MYO1D: variants seen among roughly 807,000 people sequenced by gnomAD.
The protein encoded by MYO1D is unconventional myosin-Id.
MYO1D carries 83 observed loss-of-function variants against 122.0 expected under a neutral mutation model. The observed-to-expected ratio is 0.68, with a 90% CI of 0.57 to 0.82. The LOEUF (loss-of-function observed/expected upper bound fraction) is 0.82. Ranked by LOEUF, MYO1D falls within the 40% of genes least tolerant of loss-of-function variation. The probability of loss-of-function intolerance (pLI) is 0.00; values close to 1 mark genes in which losing one functional copy is unlikely to be tolerated. For missense variants in MYO1D, 1,157 were observed against 1,269.5 expected, an observed-to-expected ratio of 0.91 and a Z score of 1.35; for synonymous variants, 464 against 446.9, an observed-to-expected ratio of 1.04 and a Z score of -0.48.
chr17:32,501,579 A>G (rs1438573644), intron 21 of MYO1D, among the ~76,000 whole-genome samples: 1 of 152,028 alleles, frequency 6.6e-6, no homozygotes, highest in Non-Finnish European at 1.5e-5. Context: ...GAGTCTCCAT[A>G]AAAAACTCAA....
At chr17:32,571,468 T>C (rs2087226962) in intron 21 of MYO1D, among the ~76,000 whole-genome samples, 2 of 152,186 alleles carry the variant, frequency 1.3e-5, no homozygotes, top group Non-Finnish European at 2.9e-5. Context: ...AAATTTGCCA[T>C]ATGGCCTAGA....
chr17:32,815,238 T>C (rs1259319854), intron 1 of MYO1D, among the ~76,000 whole-genome samples: 1 of 152,192 alleles, frequency 6.6e-6, no homozygotes, highest in Admixed American at 6.5e-5. Flanking sequence ...AAATACTTAA[T>C]GAAAAAATTA....
chr17:32,667,814 G>A (rs2088656888), intron 16 of MYO1D, among the ~76,000 whole-genome samples: 1 of 152,128 alleles, frequency 6.6e-6, no homozygotes, highest in Admixed American at 6.5e-5. Context: ...CATTAACCTT[G>A]CAATTCTTTA....
At position 32,577,604 on chromosome 17, in the gene MYO1D, C is replaced by CT. The variant is rs200299685; in HGVS notation, c.2864+27482dup. Among the ~76,000 whole-genome samples, 759 of 151,200 alleles carry CT rather than the reference C, an allele frequency of 5.0e-3. 18 individuals are homozygous for CT. Among genetic ancestry groups the CT allele is most frequent in the Admixed American group, 0.044 (677 of 15,220 alleles). The stretch of plus-strand genomic sequence containing the variant: ...TCATTTAACTAACAGCAATACTGAG[C>CT]TTTTTTTACCAAGGACTCATAGTCT... On this transcript the variant is annotated intron_variant, in intron 21 of 21. Coordinates refer to ENST00000318217, the MANE Select transcript of MYO1D (RefSeq NM_015194.3).
chr17:32,660,044 C>G (rs2088540158), intron 16 of MYO1D, among the ~76,000 whole-genome samples: 1 of 152,116 alleles, frequency 6.6e-6, no homozygotes. Context: ...ACTTCTCAAG[C>G]AAAAACAAAT....
chr17:32,743,335 C>T (rs1410686122), intron 13 of MYO1D, among the ~76,000 whole-genome samples: 1 of 152,160 alleles, frequency 6.6e-6, no homozygotes, highest in Non-Finnish European at 1.5e-5. Flanking sequence ...GTTGCAATTG[C>T]TGATTTGGCA....
At chr17:32,596,209 T>G (rs2087490686) in intron 21 of MYO1D, among the ~76,000 whole-genome samples, 1 of 152,236 alleles carries the variant, frequency 6.6e-6, no homozygotes, top group Non-Finnish European at 1.5e-5. Flanking sequence ...GGCATACCTT[T>G]ATTTTGCTTA....
At chr17:32,678,365 G>A (rs1220911741) in intron 16 of MYO1D, among the ~76,000 whole-genome samples, 1 of 149,182 alleles carries the variant, frequency 6.7e-6, no homozygotes, top group Non-Finnish European at 1.5e-5. Flanking sequence ...CCACTAACTC[G>A]TCATCTAGCA....
intron 1 of MYO1D, chr17:32,830,138 G>A (rs1053340313): frequency 6.6e-6 from 1 of 152,000 alleles, no homozygotes. Flanking sequence ...GAGGTAAACC[G>A]AGAAAGTGAT....
chr17:32,561,672 G>A (rs1435411149), intron 21 of MYO1D, among the ~76,000 whole-genome samples: 3 of 139,756 alleles, frequency 2.1e-5, no homozygotes, highest in African/African-American at 5.5e-5. Context: ...TCTGGAGACA[G>A]AGGGAGGCTC....
At chr17:32,869,650 T>C (rs146008898) in intron 1 of MYO1D, among the ~76,000 whole-genome samples, 1 of 152,340 alleles carries the variant, frequency 6.6e-6, no homozygotes, top group East Asian at 1.9e-4. Context: ...GCTCTCCACA[T>C]AGAGCTAATA....
chr17:32,652,152 G>T (rs1183522399), intron 19 of MYO1D, among the ~76,000 whole-genome samples: 1 of 152,068 alleles, frequency 6.6e-6, no homozygotes, highest in Non-Finnish European at 1.5e-5. Context: ...ATGGGCTGTG[G>T]AATTCTTAGA....
chr17:32,603,617 C>T (rs897162159), intron 21 of MYO1D, among the ~76,000 whole-genome samples: 3 of 151,162 alleles, frequency 2.0e-5, no homozygotes, highest in Non-Finnish European at 1.5e-5. Context: ...GCTCCGCCTC[C>T]CAGGTTCACG....
chr17:32,569,463 CTG>C (rs1449995895), intron 21 of MYO1D, among the ~76,000 whole-genome samples: 3 of 152,228 alleles, frequency 2.0e-5, no homozygotes, highest in Admixed American at 6.5e-5. Context: ...AGAAAAGACA[CTG>C]TGTGAAATTC....
chr17:32,513,507 T>C (rs1278667306), intron 21 of MYO1D, among the ~76,000 whole-genome samples: 1 of 152,214 alleles, frequency 6.6e-6, no homozygotes, highest in Non-Finnish European at 1.5e-5. Context: ...AGGGTTTCAC[T>C]ATATACCATG....
chr17:32,612,754 A>G (rs1285669953), intron 20 of MYO1D, among the ~76,000 whole-genome samples: 1 of 151,678 alleles, frequency 6.6e-6, no homozygotes, highest in Non-Finnish European at 1.5e-5. Context: ...TGTAATTGTA[A>G]TTTCATATTA....
intron 16 of MYO1D, among the ~76,000 whole-genome samples, chr17:32,701,366 C>T (rs1296214517): frequency 6.6e-6 from 1 of 151,916 alleles, no homozygotes. Context: ...TAGACTGTTC[C>T]AAAATACAGA....
chr17:32,546,909 CTT>C (rs11410191), intron 21 of MYO1D, among the ~76,000 whole-genome samples: 26 of 138,382 alleles, frequency 1.9e-4, no homozygotes, highest in Admixed American at 2.2e-4. Flanking sequence ...AAATAAGAAC[CTT>C]TTTTTTTTTT....
chr17:32,580,059 A>C (rs1419518833), intron 21 of MYO1D, among the ~76,000 whole-genome samples: 1 of 152,194 alleles, frequency 6.6e-6, no homozygotes, highest in African/African-American at 2.4e-5. Context: ...AACACTGCCA[A>C]ACTGTTCCCA....
Sources: allele counts gnomAD v4.1 joint callset (sites outside exome capture counted in the v4.1 genomes callset), GRCh38; gene constraint gnomAD v4.1.1; transcripts MANE v1.5; gene names NCBI Gene and HGNC (gene_info 2026-07-23, HGNC 2026-07-21).